Variants in GRIA4 observed in about 807,000 individuals in gnomAD.
The protein encoded by GRIA4 is glutamate receptor 4.
GRIA4 carries 34 observed loss-of-function variants against 104.0 expected under a neutral mutation model. The observed-to-expected ratio is 0.33, with a 90% CI of 0.25 to 0.44. The LOEUF is 0.44. Ranked by LOEUF, GRIA4 falls within the 20% of genes least tolerant of loss-of-function variation. The probability of loss-of-function intolerance (pLI) is 1.00; values close to 1 mark genes in which losing one functional copy is unlikely to be tolerated. For synonymous variants in GRIA4, 386 were observed against 381.9 expected (o/e 1.01, Z -0.13); for missense variants, 750 against 1,096.5 (o/e 0.68, Z 4.46).
At chr11:105,773,066 C>T (rs951095061) in intron 4 of GRIA4, among the ~76,000 whole-genome samples, 15 of 152,116 alleles carry the variant, frequency 9.9e-5, no homozygotes, top group Non-Finnish European at 1.8e-4. Flanking sequence ...TTTTAAGCTA[C>T]CCATTCATTG....
Position 105,924,587 on chromosome 11 carries a change from C to T in GRIA4, c.1665C>T (p.Tyr555=), listed in dbSNP as rs1173710421. ...YEIWMCIVFA[Y]IGVSVVLFLV... is the part of the protein sequence containing the mutation. The stretch of plus-strand genomic sequence containing the variant: ...TTTGGATGTGCATAGTCTTTGCCTA[C>T]ATTGGTGTCAGCGTGGTCTTATTCC... The change falls in exon 12 of 17, where the codon TAC becomes TAT. Residue 555 remains tyrosine, a synonymous_variant. Coordinates refer to ENST00000282499, the MANE Select transcript of GRIA4 (RefSeq NM_000829.4). The T allele has an allele frequency of 2.5e-6, 4 of 1,612,396 alleles. No individual in the cohort carries two copies. The highest frequency in any genetic ancestry group is 3.4e-6 in the Non-Finnish European group (4 of 1,178,798).
At chr11:105,894,583 T>A (rs986483488) in intron 6 of GRIA4, among the ~76,000 whole-genome samples, 1 of 152,046 alleles carries the variant, frequency 6.6e-6, no homozygotes, top group African/African-American at 2.4e-5. Context: ...TTTTCGTAGA[T>A]AGCCAAACAG....
At chr11:105,905,160 T>C (rs1332479297) in intron 8 of GRIA4, 37 bp from the exon 9 acceptor site, 2 of 1,087,176 alleles carry the variant, frequency 1.8e-6, no homozygotes, top group Non-Finnish European at 1.4e-6. Flanking sequence ...ATAAGTGAAA[T>C]TGCAAGTGAA....
At chr11:105,651,453 C>T (rs770521648) in intron 3 of GRIA4, among the ~76,000 whole-genome samples, 3 of 152,036 alleles carry the variant, frequency 2.0e-5, no homozygotes, top group African/African-American at 4.8e-5. Flanking sequence ...AAGACGGACA[C>T]GGGAATCTCT....
chr11:105,719,598 C>T (rs541555380), intron 3 of GRIA4, among the ~76,000 whole-genome samples: 44 of 152,184 alleles, frequency 2.9e-4, no homozygotes, highest in Non-Finnish European at 5.0e-4. Flanking sequence ...TTTAAATAAA[C>T]ATGTATGCTC....
intron 4 of GRIA4, among the ~76,000 whole-genome samples, chr11:105,836,458 G>A (rs1381268779): frequency 2.0e-5 from 3 of 152,012 alleles, no homozygotes; most frequent in Non-Finnish European, 4.4e-5. Flanking sequence ...CTGATAGGTG[G>A]AGCTCTAATC....
intron 4 of GRIA4, among the ~76,000 whole-genome samples, chr11:105,838,538 T>G (rs950743485): frequency 2.0e-5 from 3 of 152,218 alleles, no homozygotes; most frequent in African/African-American, 7.2e-5. Context: ...AAATTGCTCT[T>G]ATTTCCTTTG....
chr11:105,673,150 C>T (rs886640950), intron 3 of GRIA4, among the ~76,000 whole-genome samples: 4 of 152,186 alleles, frequency 2.6e-5, no homozygotes, highest in East Asian at 1.9e-4. Flanking sequence ...CCTCCACCCA[C>T]CCAAGTTCTC....
chr11:105,911,716 C>T (rs1393506408), intron 10 of GRIA4, among the ~76,000 whole-genome samples: 3 of 140,360 alleles, frequency 2.1e-5, no homozygotes, highest in Non-Finnish European at 3.0e-5. Flanking sequence ...CAACCAACAG[C>T]AGTTTTTGCG....
chr11:105,762,016 A>G (rs995084878), intron 4 of GRIA4, among the ~76,000 whole-genome samples: 3 of 148,222 alleles, frequency 2.0e-5, no homozygotes, highest in Non-Finnish European at 4.5e-5. Flanking sequence ...GAATCTTTTG[A>G]GAAGTCTTAA....
rs371297707 is a variant in GRIA4 at position 105,875,449 on chromosome 11, C to T, written c.673-12070C>T. 4.9e-4 allele frequency among the ~76,000 whole-genome samples: 74 copies of T among 152,194 alleles called. No homozygotes were observed. The South Asian group carries it at 0.015, about 30-fold the overall frequency. ...CTCATAAAATGAGTTAGGGAGGAGT[C>T]CTTCTTTTTCTATTGTTTGGAATTG... On this transcript the variant is annotated intron_variant, in intron 5 of 16. Transcript: ENST00000282499.
rs1308352958 is a variant in GRIA4, at chr11:105,634,462, AGAAAGG to A, written c.247+22034_247+22039del. On this transcript the variant is annotated intron_variant, in intron 3 of 16. Transcript: ENST00000282499. ...AAAGGAAGGAAGGAGAAAGAAAGAA[AGAAAGG>A]GAAAGAAAGAAAGAAAGAAAGAAAG... 4.3e-3 allele frequency among the ~76,000 whole-genome samples: 601 copies of A among 140,084 alleles called. 4 individuals are homozygous for A. The highest frequency in any genetic ancestry group is 0.026 in the Middle Eastern group (7 of 270). 91.9% of individuals were successfully genotyped at this position (140,084 alleles called of 152,430 possible).
intron 6 of GRIA4, among the ~76,000 whole-genome samples, chr11:105,888,195 T>C (rs1349557160): frequency 6.6e-6 from 1 of 151,718 alleles, no homozygotes; most frequent in African/African-American, 2.4e-5. Flanking sequence ...TCTCTTGCTT[T>C]ATTATAGAGT....
At chr11:105,623,715 C>T (rs1448985520) in intron 3 of GRIA4, among the ~76,000 whole-genome samples, 1 of 152,080 alleles carries the variant, frequency 6.6e-6, no homozygotes, top group Non-Finnish European at 1.5e-5. Flanking sequence ...CAAATTTATC[C>T]CACACCAAAA....
chr11:105,711,439 A>T (rs1005553087), intron 3 of GRIA4, among the ~76,000 whole-genome samples: 1 of 152,080 alleles, frequency 6.6e-6, no homozygotes, highest in Non-Finnish European at 1.5e-5. Flanking sequence ...AATAAAATTT[A>T]AAAAAAGAAA....
intron 4 of GRIA4, among the ~76,000 whole-genome samples, chr11:105,831,427 A>G (rs1031052560): frequency 3.3e-5 from 5 of 152,030 alleles, no homozygotes; most frequent in Admixed American, 3.3e-4. Flanking sequence ...ATCTCATGAC[A>G]TCAGGAATAG....
At chr11:105,691,875 C>T (rs1953096147) in intron 3 of GRIA4, among the ~76,000 whole-genome samples, 1 of 135,810 alleles carries the variant, frequency 7.4e-6, no homozygotes, top group Non-Finnish European at 1.5e-5. Flanking sequence ...GCGGAGGTTG[C>T]AGTGAGCCGA....
chr11:105,910,453 A>G lies in GRIA4; in HGVS notation c.1177A>G (p.Met393Val). Residue 393 changes from methionine to valine, a missense_variant, in exon 10 of 17, where the codon ATG becomes GTG. Met to Val is a conservative substitution (Grantham distance 21). Coordinates refer to ENST00000282499, the MANE Select transcript of GRIA4 (RefSeq NM_000829.4). ...TTGGCAGGTTGGTTACTGGAATGATATGGATAAGTTAGTCTTGATTCAAGA... is the reference window on the plus strand; with the variant it reads ...TTGGCAGGTTGGTTACTGGAATGATGTGGATAAGTTAGTCTTGATTCAAGA... The part of the protein sequence containing the change: ...GPRKVGYWND[M>V]DKLVLIQDVP... 6.4e-7 allele frequency: 1 copy of G among 1,572,372 alleles called. No homozygotes were observed. Among genetic ancestry groups the G allele is most frequent in the Non-Finnish European group, 8.8e-7 (1 of 1,142,118 alleles).
intron 3 of GRIA4, among the ~76,000 whole-genome samples, chr11:105,617,237 T>G: frequency 6.6e-6 from 1 of 150,630 alleles, no homozygotes; most frequent in East Asian, 1.9e-4. Flanking sequence ...TTTTTAAAAC[T>G]ATATATGTGT....
Sources: allele counts gnomAD v4.1 joint callset (sites outside exome capture counted in the v4.1 genomes callset), GRCh38; gene constraint gnomAD v4.1.1; transcripts MANE v1.5; gene names NCBI Gene and HGNC (gene_info 2026-07-23, HGNC 2026-07-21).